The following PIK3CD variants were observed in gnomAD, a reference collection of about 807,000 sequenced individuals.
PIK3CD encodes the protein phosphatidylinositol 4,5-bisphosphate 3-kinase catalytic subunit delta isoform.
A neutral mutation model predicts 122.9 loss-of-function variants in PIK3CD; 20 were observed. The observed-to-expected ratio is 0.16, with a 90% CI of 0.11 to 0.24. The LOEUF is 0.24. Among genes scored for constraint, PIK3CD ranks in the 10% least tolerant of loss-of-function variants. The pLI is 1.00. For missense variants in PIK3CD, 787 were observed against 1,406.3 expected, an observed-to-expected ratio of 0.56 and a Z score of 7.04; for synonymous variants, 596 against 593.4, an observed-to-expected ratio of 1.00 and a Z score of -0.06.
chr1:9,684,845 C>CA (rs200995845), intron 1 of PIK3CD, among the ~76,000 whole-genome samples: 60,699 of 108,374 alleles, frequency 0.56, 14,678 homozygotes, highest in South Asian at 0.63. Flanking sequence ...GACCCTGTCT[C>CA]AAAAAAAAAA....
chr1:9,636,527 A>G, the PIK3CD span, among the ~76,000 whole-genome samples: 2 of 152,180 alleles, frequency 1.3e-5, no homozygotes, highest in African/African-American at 4.8e-5. Flanking sequence ...AGACACCATC[A>G]GTTCCCATGA....
At chr1:9,627,261 A>T in the PIK3CD span, among the ~76,000 whole-genome samples, 2 of 152,164 alleles carry the variant, frequency 1.3e-5, no homozygotes, top group Non-Finnish European at 2.9e-5. Flanking sequence ...TGCCCGGGGG[A>T]GACGCCGGCT....
At chr1:9,716,323 G>C (rs1377147897) in intron 5 of PIK3CD, 117 bp from the exon 6 acceptor site, 3 of 994,802 alleles carry the variant, frequency 3.0e-6, no homozygotes, top group Admixed American at 1.8e-5. Flanking sequence ...ATATTTCCCA[G>C]TGTCATTTGT....
At chr1:9,697,787 T>A (rs941369728) in intron 2 of PIK3CD, among the ~76,000 whole-genome samples, 1 of 151,960 alleles carries the variant, frequency 6.6e-6, no homozygotes, top group African/African-American at 2.4e-5. Context: ...TCCTGGCACT[T>A]TGGGAGACTG....
chr1:9,710,947 A>G lies in PIK3CD; in HGVS notation c.141+351A>G, dbSNP rs9430717. ...ATTACAGGCATGCACCATCACGCCC[A>G]ACTAATTTTGTATTTTTAGTAGAGA... On this transcript the variant is annotated intron_variant, in intron 3 of 23. Transcript: ENST00000377346. This position sits in a 1 kb window ranked among gnomAD's most constrained non-coding sequence, Gnocchi z 4.7. 0.97 allele frequency among the ~76,000 whole-genome samples: 147,774 copies of G among 151,982 alleles called. 71,855 individuals carry two copies. The highest frequency in any genetic ancestry group is 1 in the East Asian group (5,146 of 5,148).
intron 1 of PIK3CD, among the ~76,000 whole-genome samples, chr1:9,674,027 G>A (rs2101024531): frequency 6.6e-6 from 1 of 152,294 alleles, no homozygotes; most frequent in East Asian, 1.9e-4. Context: ...AGAGGCCATT[G>A]GCCAGGGTGT....
At chr1:9,639,588 C>A in the PIK3CD span, among the ~76,000 whole-genome samples, 2 of 152,212 alleles carry the variant, frequency 1.3e-5, no homozygotes, top group East Asian at 1.9e-4. Context: ...CTGAGCCCCC[C>A]ACCCCGGCCC....
At chr1:9,642,214 G>A in the PIK3CD span, among the ~76,000 whole-genome samples, 1 of 151,912 alleles carries the variant, frequency 6.6e-6, no homozygotes, top group Non-Finnish European at 1.5e-5. Flanking sequence ...CCGGGTTCAA[G>A]CAATGCTGGT....
At chr1:9,647,481 A>ATTATTATT (rs143700434), upstream of PIK3CD, among the ~76,000 whole-genome samples, 3 of 139,450 alleles carry the variant, frequency 2.2e-5, no homozygotes, top group Admixed American at 7.3e-5. Flanking sequence ...TCATGATTCT[A>ATTATTATT]ATTATTATTA....
intron 5 of PIK3CD, 21 bp from the exon 6 acceptor site, chr1:9,716,419 T>G (rs754184015): frequency 6.2e-7 from 1 of 1,610,310 alleles, no homozygotes; most frequent in Non-Finnish European, 8.5e-7. Context: ...GGCAGAGGAC[T>G]GACCTCCCTC....
intron 1 of PIK3CD, among the ~76,000 whole-genome samples, chr1:9,655,695 TTC>T (rs1183338435): frequency 3.7e-5 from 5 of 134,818 alleles, no homozygotes; most frequent in African/African-American, 1.5e-4. Flanking sequence ...TTCTTTTTTC[TTC>T]TTTTTTTTTT....
intron 1 of PIK3CD, among the ~76,000 whole-genome samples, chr1:9,656,626 C>T (rs1464452567): frequency 2.6e-5 from 4 of 152,010 alleles, no homozygotes; most frequent in South Asian, 4.1e-4. Context: ...GGCAACATTG[C>T]GAGATCCTGT....
chr1:9,692,527 C>T (rs1244225472), intron 2 of PIK3CD, among the ~76,000 whole-genome samples: 2 of 150,874 alleles, frequency 1.3e-5, no homozygotes, highest in Non-Finnish European at 3.0e-5. Context: ...GAGTTCGAGA[C>T]CAGCCTGGCC....
In PIK3CD at chr1:9,657,363, A is replaced by G. The variant is rs564660954; in HGVS notation, c.-138+5561A>G. ...CACCAATCAGCCCGCTTACAGATAA[A>G]CAGGAATGTCTTTCTGTATTTTCTG... is the stretch of plus-strand genomic sequence containing the variant. On this transcript the variant is annotated intron_variant, in intron 1 of 23. Transcript: ENST00000377346. Among the ~76,000 whole-genome samples, 7 of 152,236 alleles carry G rather than the reference A, an allele frequency of 4.6e-5. No individual in the cohort carries two copies. In the East Asian group the frequency reaches 1.2e-3, roughly 25 times the overall value.
chr1:9,676,022 C>A (rs937478900), intron 1 of PIK3CD, among the ~76,000 whole-genome samples: 3 of 151,500 alleles, frequency 2.0e-5, no homozygotes, highest in Non-Finnish European at 4.4e-5. Context: ...ACCTCTACCT[C>A]CCGGGTTCAA....
In PIK3CD at chr1:9,717,712, G is replaced by T; in HGVS notation, c.1020+86G>T. 1 of 1,240,728 alleles carries T rather than the reference G, an allele frequency of 8.1e-7. No homozygotes were observed. Among genetic ancestry groups the T allele is most frequent in the Admixed American group, 1.9e-5 (1 of 52,112 alleles). 76.9% of individuals were successfully genotyped at this position (1,240,728 alleles called of 1,614,324 possible). ...TCCTGGAGGGGTAGCAGAGGAAGGA[G>T]GGGGATCACATGAAAGCCACCTGAC... On this transcript the variant is annotated intron_variant, in intron 8 of 23. Coordinates refer to ENST00000377346, the MANE Select transcript of PIK3CD (RefSeq NM_005026.5). The surrounding 1 kb of genome is among the most constrained non-coding windows in gnomAD (Gnocchi z 5.4).
the PIK3CD span, among the ~76,000 whole-genome samples, chr1:9,643,423 TGA>T: frequency 6.3e-4 from 66 of 104,160 alleles, no homozygotes; most frequent in Admixed American, 1.3e-3. Context: ...AGACAGAAAG[TGA>T]GAGAGAGAGA....
At chr1:9,686,321 G>C (rs1448965839) in intron 1 of PIK3CD, among the ~76,000 whole-genome samples, 2 of 151,594 alleles carry the variant, frequency 1.3e-5, no homozygotes, top group African/African-American at 2.4e-5. Context: ...GGCCTCCTAA[G>C]TAGCTAGGAC....
intron 2 of PIK3CD, among the ~76,000 whole-genome samples, chr1:9,697,501 C>T (rs1348609978): frequency 2.0e-5 from 3 of 151,620 alleles, no homozygotes; most frequent in Non-Finnish European, 4.4e-5. Flanking sequence ...TGAGACCAGC[C>T]TGGGCAACAT....
Sources: allele counts gnomAD v4.1 joint callset (sites outside exome capture counted in the v4.1 genomes callset), GRCh38; gene constraint gnomAD v4.1.1; non-coding constraint Gnocchi (gnomAD v3.1); transcripts MANE v1.5; gene names NCBI Gene and HGNC (gene_info 2026-07-23, HGNC 2026-07-21).